The following ABCA13 variants were observed in gnomAD, a reference collection of about 807,000 sequenced individuals.
ABCA13 encodes ATP-binding cassette sub-family A member 13.
ABCA13 carries 476 observed loss-of-function variants against 478.7 expected under a neutral mutation model. That is an observed-to-expected ratio of 0.99 (90% CI 0.92 to 1.07). ABCA13 has a LOEUF of 1.07. ABCA13 is among the 50% of genes least tolerant of loss of function. ABCA13 has a pLI of 0.00. For synonymous variants in ABCA13, 2,252 were observed against 2,158.9 expected (o/e 1.04, Z -1.20); for missense variants, 6,060 against 5,910.6 (o/e 1.03, Z -0.83).
intron 55 of ABCA13, among the ~76,000 whole-genome samples, chr7:48,536,372 G>T (rs1278619376): frequency 6.6e-6 from 1 of 152,142 alleles, no homozygotes; most frequent in African/African-American, 2.4e-5. Context: ...TTAAGGCCAG[G>T]TGCAGTGGCT....
intron 43 of ABCA13, among the ~76,000 whole-genome samples, chr7:48,462,570 G>A (rs796191359): frequency 1.1e-4 from 17 of 151,930 alleles, no homozygotes; most frequent in African/African-American, 3.1e-4. Flanking sequence ...GTGCAGTGGC[G>A]TGATCTTGGC....
At chr7:48,390,479 G>T (rs982704233) in intron 37 of ABCA13, among the ~76,000 whole-genome samples, 1 of 152,178 alleles carries the variant, frequency 6.6e-6, no homozygotes, top group Admixed American at 6.5e-5. Context: ...GTTCATCGAG[G>T]TTTAATTTTT....
At chr7:48,435,610 T>A (rs1302738424) in intron 42 of ABCA13, among the ~76,000 whole-genome samples, 1 of 151,646 alleles carries the variant, frequency 6.6e-6, no homozygotes, top group Non-Finnish European at 1.5e-5. Flanking sequence ...AGAGGAAACA[T>A]TTTTAGTCTT....
At chr7:48,457,148 T>C (rs1825764771) in intron 43 of ABCA13, among the ~76,000 whole-genome samples, 1 of 152,318 alleles carries the variant, frequency 6.6e-6, no homozygotes, top group African/African-American at 2.4e-5. Flanking sequence ...CTAAAAGTTT[T>C]GATAGTTCAG....
intron 3 of ABCA13, among the ~76,000 whole-genome samples, chr7:48,203,294 C>T (rs907770876): frequency 3.3e-5 from 5 of 152,228 alleles, no homozygotes; most frequent in Admixed American, 1.3e-4. Flanking sequence ...GCTCGCGCCT[C>T]TCCCTCCACA....
At chr7:48,283,573 G>A (rs1160917127) in intron 19 of ABCA13, among the ~76,000 whole-genome samples, 2 of 152,178 alleles carry the variant, frequency 1.3e-5, no homozygotes, top group Non-Finnish European at 2.9e-5. Context: ...AATATGTGTA[G>A]AAGGATTGGA....
At chr7:48,336,091 G>A (rs528564397) in intron 28 of ABCA13, among the ~76,000 whole-genome samples, 2 of 152,270 alleles carry the variant, frequency 1.3e-5, no homozygotes, top group Admixed American at 6.5e-5. Flanking sequence ...TACCAGGTAA[G>A]TAGTTCAGAG....
intron 59 of ABCA13, among the ~76,000 whole-genome samples, chr7:48,638,604 C>G (rs1217438136): frequency 6.6e-6 from 1 of 152,144 alleles, no homozygotes; most frequent in Non-Finnish European, 1.5e-5. Context: ...TTTGCATATG[C>G]AATGATTGGA....
chr7:48,318,796 A>T (rs1563041068), intron 27 of ABCA13, among the ~76,000 whole-genome samples: 1 of 152,062 alleles, frequency 6.6e-6, no homozygotes. Flanking sequence ...TCCATATCAC[A>T]GCTCTATTTT....
At chr7:48,542,099 T>C (rs1384188685) in intron 55 of ABCA13, among the ~76,000 whole-genome samples, 3 of 151,590 alleles carry the variant, frequency 2.0e-5, no homozygotes, top group African/African-American at 7.2e-5. Flanking sequence ...AGTCAAGAAA[T>C]TCTGTATATG....
chr7:48,631,405 A>G (rs1165941112), intron 59 of ABCA13, among the ~76,000 whole-genome samples: 1 of 152,144 alleles, frequency 6.6e-6, no homozygotes, highest in Non-Finnish European at 1.5e-5. Flanking sequence ...TTTATTAAAT[A>G]GGTAGTCCTT....
chr7:48,255,789 A>G (rs1793294796), intron 15 of ABCA13, among the ~76,000 whole-genome samples: 2 of 152,128 alleles, frequency 1.3e-5, no homozygotes, highest in South Asian at 4.1e-4. Context: ...ATGTGTCTTT[A>G]TGGTACAATG....
chr7:48,434,158 A>G (rs945884299), intron 42 of ABCA13, among the ~76,000 whole-genome samples: 6 of 152,000 alleles, frequency 3.9e-5, no homozygotes, highest in African/African-American at 1.2e-4. Flanking sequence ...CAGTTCCTCC[A>G]TATCTTCACC....
chr7:48,630,494 G>A (rs1472049809), intron 59 of ABCA13, among the ~76,000 whole-genome samples: 1 of 152,116 alleles, frequency 6.6e-6, no homozygotes, highest in Admixed American at 6.5e-5. Context: ...ACACGATCTT[G>A]TTCTTTTTTA....
At chr7:48,603,387 T>C (rs1271147839) in intron 58 of ABCA13, among the ~76,000 whole-genome samples, 1 of 152,190 alleles carries the variant, frequency 6.6e-6, no homozygotes, top group East Asian at 1.9e-4. Context: ...AATCTTATTA[T>C]TTTGCAGTAT....
At chr7:48,404,206 A>C (rs1817978843) in intron 39 of ABCA13, 2 of 333,194 alleles carry the variant, frequency 6.0e-6, no homozygotes, top group Non-Finnish European at 1.2e-5. Flanking sequence ...AGATCATAGG[A>C]CAAGCCTCCC....
At chr7:48,604,577 T>C (rs1791268874) in intron 58 of ABCA13, among the ~76,000 whole-genome samples, 1 of 152,220 alleles carries the variant, frequency 6.6e-6, no homozygotes, top group Non-Finnish European at 1.5e-5. Context: ...CTAATTTGAT[T>C]GCACTGTGGT....
intron 4 of ABCA13, among the ~76,000 whole-genome samples, chr7:48,219,883 AACAC>A (rs3065570): frequency 0.11 from 14,183 of 126,394 alleles, 755 homozygotes; most frequent in Admixed American, 0.15. Flanking sequence ...ACCTTCCCCA[AACAC>A]ACACACACAC....
chr7:48,423,415 A>T (rs1563231909), intron 41 of ABCA13, among the ~76,000 whole-genome samples: 1 of 152,196 alleles, frequency 6.6e-6, no homozygotes, highest in Non-Finnish European at 1.5e-5. Context: ...CTAAGCAAAA[A>T]AGTACCTTGC....
Sources: allele counts gnomAD v4.1 joint callset (sites outside exome capture counted in the v4.1 genomes callset), GRCh38; gene constraint gnomAD v4.1.1; transcripts MANE v1.5; gene names NCBI Gene and HGNC (gene_info 2026-07-23, HGNC 2026-07-21).